The following FREM1 variants were observed in gnomAD, a reference collection of about 807,000 sequenced individuals.
The protein encoded by FREM1 is FRAS1-related extracellular matrix protein 1.
A neutral mutation model predicts 210.1 loss-of-function variants in FREM1; 220 were observed. The observed-to-expected ratio is 1.05, with a 90% confidence interval of 0.94 to 1.17. The LOEUF is 1.17. FREM1 is among the 50% of genes most tolerant of loss of function. The pLI is 0.00. For synonymous variants in FREM1, 1,189 were observed against 980.2 expected (o/e 1.21, Z -3.98); for missense variants, 3,454 against 2,675.5 (o/e 1.29, Z -6.42).
chr9:14,910,886 C>T (rs775017797), upstream of FREM1: 2 of 152,078 alleles, frequency 1.3e-5, no homozygotes, highest in African/African-American at 2.4e-5. Context: ...GGACAGGGCC[C>T]GTTTTAACTT....
At chr9:14,764,364 C>T (rs1846026576) in intron 27 of FREM1, among the ~76,000 whole-genome samples, 1 of 152,166 alleles carries the variant, frequency 6.6e-6, no homozygotes, top group Non-Finnish European at 1.5e-5. Flanking sequence ...CCCAACCTTA[C>T]TAACATCATC....
chr9:14,845,709 A>G (rs573637976), intron 8 of FREM1, among the ~76,000 whole-genome samples: 3 of 152,358 alleles, frequency 2.0e-5, no homozygotes, highest in South Asian at 4.1e-4. Flanking sequence ...GAAGCCATGC[A>G]TGGCATCCAG....
At position 14,818,148 on chromosome 9, in the gene FREM1, C is replaced by A. The variant is rs546315366; in HGVS notation, c.2546+1086G>T. On this transcript the variant is annotated intron_variant, in intron 14 of 36. Coordinates refer to ENST00000380880, the MANE Select transcript of FREM1 (RefSeq NM_001379081.2). Reference sequence around the variant, plus strand: ...ACTATGCAGATTAAATTTTCAAAAACCATAATTGTAAGCCTCTGACAGTAT... The same window carrying A: ...ACTATGCAGATTAAATTTTCAAAAAACATAATTGTAAGCCTCTGACAGTAT... Among the ~76,000 whole-genome samples the A allele has an allele frequency of 5.1e-4, 78 of 152,312 alleles. 1 individual carries two copies. Among genetic ancestry groups the A allele is most frequent in the Middle Eastern group, 3.4e-3 (1 of 294 alleles).
At chr9:14,859,043 C>T (rs1027902587) in intron 4 of FREM1, 140 bp downstream of exon 4, 1 of 599,850 alleles carries the variant, frequency 1.7e-6, no homozygotes, top group Non-Finnish European at 2.7e-6. Context: ...AAAGTCTGTG[C>T]TCTTAACCAC....
Position 14,748,418 on chromosome 9 carries a change from G to A in FREM1, c.5779C>T (p.Arg1927Cys), listed in dbSNP as rs754692429. The A allele has an allele frequency of 7.4e-5, 119 of 1,608,888 alleles. No individual in the cohort carries two copies. The highest frequency in any genetic ancestry group is 9.4e-5 in the Non-Finnish European group (110 of 1,175,822). ...TDLSQRKLRT[R>C]GNGKTVRPSS... ...ATCCTTACTGTTTTGCCATTCCCAC[G>A]GGTCCTAAGCTTCCTTTGAGAAAGA... Residue 1927 changes from arginine to cysteine, a missense_variant, in exon 31 of 37, where the codon CGT becomes TGT. Coordinates refer to ENST00000380880, the MANE Select transcript of FREM1 (RefSeq NM_001379081.2).
chr9:14,899,156 T>C (rs1426487234), intron 1 of FREM1, among the ~76,000 whole-genome samples: 2 of 152,178 alleles, frequency 1.3e-5, no homozygotes, highest in Middle Eastern at 3.2e-3. Context: ...TCCGGGCTTT[T>C]GAGGACTGTC....
chr9:14,750,014 AC>A, intron 30 of FREM1, 112 bp downstream of exon 30: 2 of 1,136,656 alleles, frequency 1.8e-6, no homozygotes, highest in Non-Finnish European at 2.6e-6. Flanking sequence ...TGCTTTCTTG[AC>A]AAGAAATTAA....
At chr9:14,904,230 T>C (rs899868086) in intron 1 of FREM1, among the ~76,000 whole-genome samples, 1 of 152,152 alleles carries the variant, frequency 6.6e-6, no homozygotes, top group Non-Finnish European at 1.5e-5. Flanking sequence ...GGACATCATT[T>C]TCTCATTAGA....
intron 2 of FREM1, among the ~76,000 whole-genome samples, chr9:14,868,310 C>G (rs983944079): frequency 6.6e-6 from 1 of 152,084 alleles, no homozygotes; most frequent in Non-Finnish European, 1.5e-5. Flanking sequence ...GCGCTTTTTC[C>G]TGTATAATTA....
intron 19 of FREM1, 149 bp from the exon 20 acceptor site, chr9:14,802,023 G>A (rs1249744628): frequency 1.8e-6 from 1 of 565,146 alleles, no homozygotes; most frequent in Non-Finnish European, 3.1e-6. Context: ...GAAATTGCTG[G>A]TTTAATATGA....
chr9:14,810,813 T>C (rs1819270316), intron 16 of FREM1, among the ~76,000 whole-genome samples: 1 of 152,196 alleles, frequency 6.6e-6, no homozygotes, highest in African/African-American at 2.4e-5. Context: ...GAGAATAAAA[T>C]ACTATAATAC....
In FREM1 at chr9:14,842,660, C is replaced by A. The variant is rs41298151; in HGVS notation, c.1394G>T (p.Gly465Val). The A allele has an allele frequency of 7.8e-5, 126 of 1,610,616 alleles. No homozygotes were observed. Among genetic ancestry groups the A allele is most frequent in the African/African-American group, 3.3e-4 (25 of 74,876 alleles). The change falls in exon 9 of 37, where the codon GGG becomes GTG. Residue 465 changes from glycine (G) to valine (V), a missense_variant and splice_region_variant. Coordinates refer to ENST00000380880, the MANE Select transcript of FREM1 (RefSeq NM_001379081.2). ...CACGGTGAAGAGAAACCCTTTCCCC[C>A]CTGAGGGAGAGAGCAGAGATGGAGC... ...GLQHGWLTLR[G>V]GKGFLFTVAD...
intron 22 of FREM1, among the ~76,000 whole-genome samples, chr9:14,792,347 G>C (rs1342066945): frequency 6.6e-6 from 1 of 150,918 alleles, no homozygotes; most frequent in Admixed American, 6.6e-5. Flanking sequence ...CTGTAGACTT[G>C]AAGGAGTTTT....
intron 35 of FREM1, among the ~76,000 whole-genome samples, chr9:14,742,348 T>C (rs112489554): frequency 0.03 from 4,533 of 152,218 alleles, 166 homozygotes; most frequent in African/African-American, 0.085. Context: ...CAAAATGGCT[T>C]CATAGATAAT....
At chr9:14,756,285 C>T (rs1844340595) in intron 29 of FREM1, 89 bp downstream of exon 29, 1 of 948,050 alleles carries the variant, frequency 1.1e-6, no homozygotes, top group Non-Finnish European at 1.6e-6. Context: ...AGTTGTGTAA[C>T]ATTCTATCTT....
Position 14,825,175 on chromosome 9 carries a change from A to G in FREM1, c.1882-183T>C, listed in dbSNP as rs539312183. 2.0e-5 allele frequency among the ~76,000 whole-genome samples: 3 copies of G among 152,278 alleles called. No homozygotes were observed. The East Asian group carries it at 5.8e-4, about 29-fold the overall frequency. ...AAAAATGGAAATCCTCTACTCATTT[A>G]ATATTATATTTTAAGAATATTATTA... On this transcript the variant is annotated intron_variant, in intron 10 of 36. Coordinates refer to ENST00000380880, the MANE Select transcript of FREM1 (RefSeq NM_001379081.2).
At chr9:14,797,300 A>T (rs1444124684) in intron 21 of FREM1, among the ~76,000 whole-genome samples, 198 bp downstream of exon 21, 1 of 152,350 alleles carries the variant, frequency 6.6e-6, no homozygotes, top group South Asian at 2.1e-4. Flanking sequence ...AAGTAATTAA[A>T]CGGCTGATTG....
intron 2 of FREM1, among the ~76,000 whole-genome samples, chr9:14,864,135 C>T (rs1383196763): frequency 6.6e-6 from 1 of 152,112 alleles, no homozygotes; most frequent in Non-Finnish European, 1.5e-5. Context: ...AAAACCAAAG[C>T]AGTTCAAGAA....
At chr9:14,770,216 A>G (rs902969460) in intron 26 of FREM1, among the ~76,000 whole-genome samples, 1 of 152,168 alleles carries the variant, frequency 6.6e-6, no homozygotes, top group African/African-American at 2.4e-5. Context: ...AATCCAGAGA[A>G]TCCATTAGGA....
Sources: allele counts gnomAD v4.1 joint callset (sites outside exome capture counted in the v4.1 genomes callset), GRCh38; gene constraint gnomAD v4.1.1; transcripts MANE v1.5; gene names NCBI Gene and HGNC (gene_info 2026-07-23, HGNC 2026-07-21).